The following CDH12 variants were observed in gnomAD, a reference collection of about 807,000 sequenced individuals.
CDH12 encodes the protein cadherin-12.
In CDH12, 41 loss-of-function variants were observed where a neutral mutation model predicts 74.1. The observed-to-expected ratio is 0.55, with a 90% CI of 0.43 to 0.72. The LOEUF (loss-of-function observed/expected upper bound fraction) is 0.72. Ranked by LOEUF, CDH12 falls within the 30% of genes least tolerant of loss-of-function variation. The pLI is 0.00. For missense variants in CDH12, 945 were observed against 977.2 expected (o/e 0.97, Z 0.44); for synonymous variants, 399 against 355.0 (o/e 1.12, Z -1.39).
chr5:22,394,652 G>A (rs1411435524), intron 3 of CDH12, among the ~76,000 whole-genome samples: 1 of 152,068 alleles, frequency 6.6e-6, no homozygotes, highest in Non-Finnish European at 1.5e-5. Flanking sequence ...ACTTGCTTGG[G>A]ACTGGTAACC....
intron 3 of CDH12, among the ~76,000 whole-genome samples, chr5:22,325,821 T>C (rs888382982): frequency 1.3e-5 from 2 of 152,002 alleles, no homozygotes; most frequent in African/African-American, 4.8e-5. Context: ...GGCGGGAGAA[T>C]GGTGTGAACC....
At chr5:22,383,541 G>A (rs1214612302) in intron 3 of CDH12, among the ~76,000 whole-genome samples, 1 of 152,182 alleles carries the variant, frequency 6.6e-6, no homozygotes, top group Non-Finnish European at 1.5e-5. Flanking sequence ...TTTGGTTGAA[G>A]TATAGAACAC....
chr5:21,873,521 G>A (rs1045723711), intron 6 of CDH12, among the ~76,000 whole-genome samples: 2 of 152,134 alleles, frequency 1.3e-5, no homozygotes, highest in Non-Finnish European at 2.9e-5. Flanking sequence ...TAGTGTCACA[G>A]GGGAGAAAAA....
rs547059871 is a variant in CDH12, at chr5:22,103,534, C to T, written c.-186-24672G>A. Among the ~76,000 whole-genome samples the T allele has an allele frequency of 3.9e-5, 6 of 152,290 alleles. No individual in the cohort carries two copies. In the East Asian group the frequency reaches 7.7e-4, roughly 20 times the overall value. ...TGAGCTCCTTTAATTTCATAAATTG[C>T]ATTGTGTTCCTTCTCCACTGCAAGC... On this transcript the variant is annotated intron_variant, in intron 4 of 14. Coordinates refer to ENST00000382254, the MANE Select transcript of CDH12 (RefSeq NM_004061.5).
chr5:22,652,020 GTTAAA>G lies in CDH12; in HGVS notation c.-522-146661_-522-146657del, dbSNP rs199849354. ...AGATACAGTCCAAATGTGATAGATG[GTTAAA>G]ACGTAGGTTCAGAATAATTACTGAA... On this transcript the variant is annotated intron_variant, in intron 1 of 14. Coordinates refer to ENST00000382254, the MANE Select transcript of CDH12 (RefSeq NM_004061.5). Among the ~76,000 whole-genome samples the G allele has an allele frequency of 8.5e-4, 129 of 152,136 alleles. 1 individual carries two copies. In the East Asian group the frequency reaches 0.01, roughly 12 times the overall value.
chr5:21,958,629 C>T (rs1756208868), intron 6 of CDH12, among the ~76,000 whole-genome samples: 1 of 151,980 alleles, frequency 6.6e-6, no homozygotes, highest in South Asian at 2.1e-4. Flanking sequence ...TTTCTGGGTT[C>T]TTTATTCTGT....
intron 3 of CDH12, among the ~76,000 whole-genome samples, chr5:22,275,128 G>T (rs969328293): frequency 2.0e-5 from 3 of 152,060 alleles, no homozygotes; most frequent in Non-Finnish European, 4.4e-5. Context: ...GGCCTGTCAG[G>T]AGGTCAGGGG....
chr5:22,622,897 T>A (rs1206565006), intron 1 of CDH12, among the ~76,000 whole-genome samples: 1 of 152,142 alleles, frequency 6.6e-6, no homozygotes, highest in East Asian at 1.9e-4. Flanking sequence ...ATATCCCTGA[T>A]GAACATCGAT....
chr5:22,289,011 T>C (rs1331528905), intron 3 of CDH12, among the ~76,000 whole-genome samples: 1 of 152,042 alleles, frequency 6.6e-6, no homozygotes, highest in Non-Finnish European at 1.5e-5. Context: ...AGACTCCATC[T>C]ATAAAACAAA....
chr5:22,075,823 G>A, intron 5 of CDH12, among the ~76,000 whole-genome samples: 1 of 151,916 alleles, frequency 6.6e-6, no homozygotes, highest in East Asian at 1.9e-4. Context: ...ACTTTTCCTA[G>A]GCATTTTTGC....
At chr5:22,244,783 A>T in intron 3 of CDH12, among the ~76,000 whole-genome samples, 1 of 122,408 alleles carries the variant, frequency 8.2e-6, no homozygotes, top group Non-Finnish European at 1.8e-5. Flanking sequence ...AAAGAAAGAA[A>T]GAAAGAAAGA....
intron 1 of CDH12, among the ~76,000 whole-genome samples, chr5:22,654,569 C>A (rs1393193056): frequency 6.6e-6 from 1 of 151,824 alleles, no homozygotes; most frequent in African/African-American, 2.4e-5. Flanking sequence ...GGATTACAGG[C>A]ATGAGCCACC....
chr5:22,829,749 G>T (rs1305742833), intron 1 of CDH12, among the ~76,000 whole-genome samples: 1 of 152,170 alleles, frequency 6.6e-6, no homozygotes, highest in Non-Finnish European at 1.5e-5. Flanking sequence ...CATTGACAAT[G>T]ACCTTACTCT....
chr5:22,762,300 T>C (rs1188069067), intron 1 of CDH12, among the ~76,000 whole-genome samples: 2 of 152,088 alleles, frequency 1.3e-5, no homozygotes, highest in East Asian at 1.9e-4. Flanking sequence ...GAGTAATCTC[T>C]TACCCATAGA....
chr5:22,356,226 A>G (rs1016000277), intron 3 of CDH12, among the ~76,000 whole-genome samples: 4 of 152,188 alleles, frequency 2.6e-5, no homozygotes, highest in African/African-American at 9.6e-5. Context: ...TTTTCCAAAT[A>G]TGAAAGCCCC....
intron 5 of CDH12, among the ~76,000 whole-genome samples, chr5:22,064,901 A>T (rs1741453665): frequency 6.6e-6 from 1 of 152,180 alleles, no homozygotes; most frequent in Non-Finnish European, 1.5e-5. Context: ...TGGCTGAAAT[A>T]CAAGAAAAAT....
At chr5:22,712,275 A>G (rs1743328353) in intron 1 of CDH12, among the ~76,000 whole-genome samples, 1 of 152,082 alleles carries the variant, frequency 6.6e-6, no homozygotes. Flanking sequence ...TTGACATAAA[A>G]AAGTGATCTC....
intron 3 of CDH12, among the ~76,000 whole-genome samples, chr5:22,259,145 T>C (rs1220099494): frequency 2.0e-5 from 3 of 152,266 alleles, no homozygotes; most frequent in South Asian, 2.1e-4. Context: ...AACTCAAATA[T>C]TGGCCCATAA....
intron 5 of CDH12, among the ~76,000 whole-genome samples, chr5:22,039,662 T>C (rs1257367048): frequency 6.6e-6 from 1 of 152,066 alleles, no homozygotes; most frequent in Admixed American, 6.5e-5. Flanking sequence ...CTACCAGCAC[T>C]GTTGCCACAG....
Sources: gnomAD v4.1 joint callset for allele counts (sites outside exome capture counted in the v4.1 genomes callset) on GRCh38, gnomAD v4.1.1 for gene constraint, MANE v1.5 for transcripts, NCBI Gene and HGNC (gene_info 2026-07-23, HGNC 2026-07-21) for gene names.